DCC: variants seen among roughly 807,000 people sequenced by gnomAD.
DCC encodes DCC netrin 1 receptor, also known as netrin receptor DCC.
Under a neutral mutation model 172.5 loss-of-function variants are expected in DCC, and 58 were observed. The observed-to-expected ratio is 0.34, with a 90% CI of 0.27 to 0.42. The LOEUF (loss-of-function observed/expected upper bound fraction) is 0.42. Among genes scored for constraint, DCC ranks in the 10% least tolerant of loss-of-function variants. The pLI is 1.00. For synonymous variants in DCC, 709 were observed against 644.5 expected (o/e 1.10, Z -1.52); for missense variants, 1,740 against 1,791.0 (o/e 0.97, Z 0.51).
intron 7 of DCC, among the ~76,000 whole-genome samples, chr18:53,084,259 C>T (rs2042847852): frequency 6.6e-6 from 1 of 152,106 alleles, no homozygotes; most frequent in African/African-American, 2.4e-5. Context: ...AGCCTTACTC[C>T]TATAATAACC....
intron 9 of DCC, among the ~76,000 whole-genome samples, chr18:53,201,214 A>C (rs1474825376): frequency 6.6e-6 from 1 of 152,076 alleles, no homozygotes; most frequent in Non-Finnish European, 1.5e-5. Context: ...TGAATGTGTT[A>C]CAAGTCACAG....
At chr18:53,475,197 AT>A (rs2045747188) in intron 25 of DCC, among the ~76,000 whole-genome samples, 1 of 152,220 alleles carries the variant, frequency 6.6e-6, no homozygotes, top group Non-Finnish European at 1.5e-5. Context: ...GAGAATAAAA[AT>A]TCAGAAAATT....
chr18:52,954,070 C>T (rs369123011), intron 5 of DCC, among the ~76,000 whole-genome samples: 28 of 152,310 alleles, frequency 1.8e-4, no homozygotes, highest in African/African-American at 6.3e-4. Flanking sequence ...ACAGCTTTCA[C>T]ATCACCTCCA....
At chr18:53,233,759 C>T (rs750368881) in intron 12 of DCC, among the ~76,000 whole-genome samples, 4 of 152,142 alleles carry the variant, frequency 2.6e-5, no homozygotes, top group Non-Finnish European at 5.9e-5. Flanking sequence ...GTTCAAGGCT[C>T]GAACCAAAAG....
chr18:53,194,540 G>A (rs2055415529), intron 9 of DCC, among the ~76,000 whole-genome samples: 1 of 151,958 alleles, frequency 6.6e-6, no homozygotes, highest in African/African-American at 2.4e-5. Flanking sequence ...CACAATCTTG[G>A]CTCACTGCAA....
rs140914988 is a variant in DCC at position 53,211,827 on chromosome 18, C to G, written c.1862-3721C>G. 5.6e-3 allele frequency among the ~76,000 whole-genome samples: 854 copies of G among 152,200 alleles called. 6 individuals are homozygous for G. The highest frequency in any genetic ancestry group is 0.023 in the Admixed American group (351 of 15,288). ...CTTTGGGAAGCTGAGGTGGGTAGAT[C>G]ACTTGAGGCCAGAAGTTCGAGAACA... is the stretch of plus-strand genomic sequence containing the variant. On this transcript the variant is annotated intron_variant, in intron 11 of 28. Transcript: ENST00000442544.
chr18:53,229,693 A>G (rs2056092221), intron 12 of DCC, among the ~76,000 whole-genome samples: 1 of 152,078 alleles, frequency 6.6e-6, no homozygotes, highest in South Asian at 2.1e-4. Context: ...CTTCTAGAGA[A>G]GGGCGGATGC....
At chr18:52,820,385 T>C (rs889240651) in intron 2 of DCC, among the ~76,000 whole-genome samples, 1 of 152,184 alleles carries the variant, frequency 6.6e-6, no homozygotes, top group African/African-American at 2.4e-5. Context: ...TTCCTAACAA[T>C]ACATTTTTAG....
intron 20 of DCC, 77 bp from the exon 21 acceptor site, chr18:53,416,047 A>G (rs1290043532): frequency 9.4e-7 from 1 of 1,059,688 alleles, no homozygotes; most frequent in East Asian, 2.4e-5. Context: ...TACTAAAAAG[A>G]ACTGTTGGTT....
intron 15 of DCC, among the ~76,000 whole-genome samples, chr18:53,358,490 C>T (rs374553683): frequency 1.0e-4 from 15 of 148,236 alleles, no homozygotes; most frequent in African/African-American, 2.5e-4. Flanking sequence ...TATTTAGGAA[C>T]GTGGAGGATA....
intron 13 of DCC, among the ~76,000 whole-genome samples, chr18:53,316,919 C>T (rs6508223): frequency 0.043 from 6,528 of 152,234 alleles, 455 homozygotes; most frequent in African/African-American, 0.15. Flanking sequence ...TCCTTTCTTC[C>T]TATCTGAATA....
intron 1 of DCC, among the ~76,000 whole-genome samples, chr18:52,714,596 T>A (rs987485414): frequency 6.6e-6 from 1 of 152,190 alleles, no homozygotes; most frequent in Non-Finnish European, 1.5e-5. Context: ...GAGGCTGAAA[T>A]AATTTGGATA....
chr18:53,526,724 G>A lies in DCC; in HGVS notation c.4219G>A (p.Glu1407Lys), dbSNP rs1447383299. The A allele has an allele frequency of 6.2e-7, 1 of 1,613,482 alleles. No homozygotes were observed. Among genetic ancestry groups the A allele is most frequent in the East Asian group, 2.2e-5 (1 of 44,842 alleles). Residue 1407 changes from glutamate (E) to lysine (K), a missense_variant, in exon 28 of 29, where the codon GAG (glutamate) becomes AAG (lysine). This residue lies in a region of DCC where 1,732 missense variants were observed against 1,767.4 expected (regional missense o/e 0.98). Transcript: ENST00000442544. ...VSVPTAPEVS[E>K]ESHKPTEDSA... Reference sequence around the variant, plus strand: ...TGTGCCAACAGCCCCTGAAGTGTCTGAGGAGAGCCACAAACCAACAGAGGA... The same window carrying A: ...TGTGCCAACAGCCCCTGAAGTGTCTAAGGAGAGCCACAAACCAACAGAGGA...
At position 53,256,474 on chromosome 18, in the gene DCC, T is replaced by A. The variant is rs570037090; in HGVS notation, c.1911+40877T>A. ...GCACCATTTATTAAATAGGGAATCC[T>A]TTCCTGATTTCTTGTTTTTGTCAGG... On this transcript the variant is annotated intron_variant, in intron 12 of 28. Transcript: ENST00000442544. 1.2e-4 allele frequency among the ~76,000 whole-genome samples: 18 copies of A among 152,034 alleles called. No homozygotes were observed. The South Asian group carries it at 3.7e-3, about 32-fold the overall frequency.
chr18:53,234,972 A>G (rs2056180361), intron 12 of DCC, among the ~76,000 whole-genome samples: 1 of 152,208 alleles, frequency 6.6e-6, no homozygotes, highest in African/African-American at 2.4e-5. Flanking sequence ...GGACAGTCAT[A>G]TAATTTTTGT....
chr18:52,993,359 G>A (rs891961861), intron 5 of DCC, among the ~76,000 whole-genome samples: 4 of 152,102 alleles, frequency 2.6e-5, no homozygotes, highest in South Asian at 2.1e-4. Context: ...GCTTGGCGGT[G>A]GAAGAAAGTA....
intron 8 of DCC, among the ~76,000 whole-genome samples, chr18:53,163,784 A>G (rs1442382785): frequency 6.6e-6 from 1 of 152,202 alleles, no homozygotes; most frequent in Non-Finnish European, 1.5e-5. Context: ...ATTAGGAATG[A>G]AAAGTGATCT....
chr18:52,775,333 A>G (rs979749453), intron 2 of DCC, among the ~76,000 whole-genome samples: 1 of 152,108 alleles, frequency 6.6e-6, no homozygotes, highest in Admixed American at 6.5e-5. Flanking sequence ...GGCGTGTGTG[A>G]TACAGGGTGC....
Position 52,925,327 on chromosome 18 carries a change from T to C in DCC, c.942T>C (p.Tyr314=), listed in dbSNP as rs946642181. 5.6e-6 allele frequency: 9 copies of C among 1,612,680 alleles called. No homozygotes were observed. The East Asian group carries it at 1.1e-4, about 20-fold the overall frequency. ...DSGMYTCVVT[Y]KNENISASAE... ...GAATGTATACCTGTGTTGTCACATATAAAAATGAGAATATTAGTGCCTCTG... is the reference window on the plus strand; with the variant it reads ...GAATGTATACCTGTGTTGTCACATACAAAAATGAGAATATTAGTGCCTCTG... Residue 314 remains tyrosine (Y), a synonymous_variant, in exon 5 of 29, where the codon TAT becomes TAC. Coordinates refer to ENST00000442544, the MANE Select transcript of DCC (RefSeq NM_005215.4).
Sources: allele counts gnomAD v4.1 joint callset (sites outside exome capture counted in the v4.1 genomes callset), GRCh38; gene constraint gnomAD v4.1.1; regional missense constraint gnomAD v4.1.1; transcripts MANE v1.5; gene names NCBI Gene and HGNC (gene_info 2026-07-23, HGNC 2026-07-21).